AR: variants seen among roughly 807,000 people sequenced by gnomAD.
AR encodes dihydrotestosterone receptor.
Under a neutral mutation model 53.9 loss-of-function variants are expected in AR, and 8 were observed. The observed-to-expected ratio is 0.15, with a 90% CI of 0.09 to 0.27. AR has a LOEUF of 0.27. Among genes scored for constraint, AR ranks in the 10% least tolerant of loss-of-function variants. AR has a pLI of 1.00. For missense variants in AR, 639 were observed against 742.5 expected, an observed-to-expected ratio of 0.86 and a Z score of 1.62; for synonymous variants, 359 against 316.4, an observed-to-expected ratio of 1.13 and a Z score of -1.43.
intron 1 of AR, among the ~76,000 whole-genome samples, chrX:67,608,087 C>T (rs1923713077): frequency 8.9e-6 from 1 of 112,210 alleles, no homozygotes; most frequent in Non-Finnish European, 1.9e-5. Context: ...CAAAAATCAA[C>T]ATGAAACCAG....
intron 2 of AR, among the ~76,000 whole-genome samples, chrX:67,666,653 T>G (rs1173935209): frequency 9.0e-6 from 1 of 111,626 alleles, no homozygotes; most frequent in African/African-American, 3.3e-5. Flanking sequence ...ACATAATGGT[T>G]TTACTGACTT....
intron 1 of AR, among the ~76,000 whole-genome samples, chrX:67,630,961 A>G (rs1445679525): frequency 1.8e-4 from 20 of 111,150 alleles, no homozygotes; most frequent in Non-Finnish European, 3.4e-4. Context: ...AATGTTGAAT[A>G]TTGGCCCCTA....
At chrX:67,585,573 C>A (rs1342481322) in intron 1 of AR, among the ~76,000 whole-genome samples, 2 of 112,440 alleles carry the variant, frequency 1.8e-5, no homozygotes, top group Admixed American at 9.4e-5. Flanking sequence ...TCTGAGGTAA[C>A]TTAGCAATAA....
Position 67,725,086 on chromosome X carries a change from A to G in AR, c.*1245A>G, listed in dbSNP as rs922130183. Reference sequence around the variant, plus strand: ...AACTCCGTGAAGCCACAAGCACCTTATGTCCTCCCTTCAGTGTTTTGTGGG... The same window carrying G: ...AACTCCGTGAAGCCACAAGCACCTTGTGTCCTCCCTTCAGTGTTTTGTGGG... On this transcript the variant is annotated 3_prime_UTR_variant, in exon 8 of 8. Coordinates refer to ENST00000374690, the MANE Select transcript of AR (RefSeq NM_000044.6). 5.7e-6 allele frequency: 1 copy of G among 174,222 alleles called. No homozygotes were observed. Among genetic ancestry groups the G allele is most frequent in the Non-Finnish European group, 1.1e-5 (1 of 91,489 alleles). The allele number at this position is 174,222 out of a possible 1,213,427, so 14.4% of individuals were successfully genotyped here. A position where few individuals can be genotyped will look rare whatever the true frequency, so the allele number is the denominator to read the frequency against.
chrX:67,673,037 G>T (rs1339151758), intron 2 of AR, among the ~76,000 whole-genome samples: 2 of 105,117 alleles, frequency 1.9e-5, no homozygotes, highest in East Asian at 2.9e-4. Flanking sequence ...CTATTCTAGG[G>T]TAAAAGTTTT....
At chrX:67,641,674 T>C (rs1925773042) in intron 1 of AR, among the ~76,000 whole-genome samples, 1 of 111,104 alleles carries the variant, frequency 9.0e-6, no homozygotes, top group African/African-American at 3.3e-5. Context: ...AGATAGGCCA[T>C]GATATCAAGC....
chrX:67,622,315 C>A (rs1440308776), intron 1 of AR, among the ~76,000 whole-genome samples: 2 of 106,656 alleles, frequency 1.9e-5, no homozygotes, highest in African/African-American at 7.5e-5. Context: ...GCTAGAAAGC[C>A]ATTGGAAAAA....
rs2076141184 is a variant in AR, at chrX:67,722,750, C to T, written c.2450-77C>T. 3 of 1,147,015 alleles carry T rather than the reference C, an allele frequency of 2.6e-6. No homozygotes were observed. In the African/African-American group the frequency reaches 5.4e-5, roughly 21 times the overall value. The allele number at this position is 1,147,015 out of a possible 1,213,427, so 94.5% of individuals were successfully genotyped here. ...TGGGGGTGGGGGTCAAGTCTGTGGT[C>T]AGAAAACTTGGTGCTTTGTCTAATG... On this transcript the variant is annotated intron_variant, in intron 6 of 7. Transcript: ENST00000374690.
rs2147317491 is a variant in AR at position 67,545,773 on chromosome X, G to T, written c.627G>T (p.Gly209=). 9.1e-6 allele frequency: 11 copies of T among 1,211,964 alleles called. No homozygotes were observed. The highest frequency in any genetic ancestry group is 1.2e-5 in the Non-Finnish European group (11 of 895,442). Reference sequence around the variant, plus strand: ...CAGTATCCGAAGGCAGCAGCAGCGGGAGAGCGAGGGAGGCCTCGGGGGCTC... The same window carrying T: ...CAGTATCCGAAGGCAGCAGCAGCGGTAGAGCGAGGGAGGCCTCGGGGGCTC... The part of the protein sequence containing the change: ...QEAVSEGSSS[G]RAREASGAPT... Residue 209 remains glycine, a synonymous_variant, in exon 1 of 8, where the codon GGG becomes GGT. Coordinates refer to ENST00000374690, the MANE Select transcript of AR (RefSeq NM_000044.6).
chrX:67,691,052 T>C (rs769682232), intron 3 of AR, among the ~76,000 whole-genome samples: 4 of 112,368 alleles, frequency 3.6e-5, no homozygotes, highest in African/African-American at 6.5e-5. Flanking sequence ...ATTGTGTTTA[T>C]TTGCATGTTT....
chrX:67,659,723 G>T (rs1271067055), intron 2 of AR, among the ~76,000 whole-genome samples: 1 of 111,542 alleles, frequency 9.0e-6, no homozygotes, highest in East Asian at 2.8e-4. Flanking sequence ...AATCCTTAGG[G>T]TATATACCCA....
intron 1 of AR, among the ~76,000 whole-genome samples, chrX:67,585,506 A>G (rs752938412): frequency 8.9e-5 from 10 of 111,743 alleles, no homozygotes; most frequent in South Asian, 3.8e-4. Flanking sequence ...TTATAACTCA[A>G]ATGACTAGTC....
rs1186754425 is a variant in AR, at chrX:67,551,380, T to A, written c.1616+4618T>A. Among the ~76,000 whole-genome samples, 17 of 111,639 alleles carry A rather than the reference T, an allele frequency of 1.5e-4. No homozygotes were observed. The Admixed American group carries it at 1.6e-3, about 11-fold the overall frequency. On this transcript the variant is annotated intron_variant, in intron 1 of 7. Transcript: ENST00000374690. ...TAAAGAAATTATTCTATCTCCGACT[T>A]CCCCTATCAGCATTCCATCAAGTTC... is the stretch of plus-strand genomic sequence containing the variant.
In AR at chrX:67,614,690, T is replaced by C. The variant is rs759873067; in HGVS notation, c.1617-28566T>C. On this transcript the variant is annotated intron_variant, in intron 1 of 7. Transcript: ENST00000374690. ...TGAGGCATGCAAAGAATGAGGAAAG[T>C]ATGACTCATACATGGTATTATATGA... is the stretch of plus-strand genomic sequence containing the variant. Among the ~76,000 whole-genome samples, 6 of 111,399 alleles carry C rather than the reference T, an allele frequency of 5.4e-5. No homozygotes were observed. The South Asian group carries it at 2.2e-3, about 42-fold the overall frequency.
chrX:67,720,166 T>C (rs1421638204), intron 5 of AR, among the ~76,000 whole-genome samples: 1 of 111,693 alleles, frequency 9.0e-6, no homozygotes, highest in East Asian at 2.8e-4. Context: ...ATTTCTCCTC[T>C]TATTTTCTCT....
chrX:67,665,800 A>C (rs1021115415), intron 2 of AR, among the ~76,000 whole-genome samples: 1 of 112,290 alleles, frequency 8.9e-6, no homozygotes, highest in African/African-American at 3.2e-5. Flanking sequence ...TCACTGTTCT[A>C]GGAAATATAA....
intron 1 of AR, among the ~76,000 whole-genome samples, chrX:67,587,047 T>C (rs1440906276): frequency 8.9e-6 from 1 of 112,238 alleles, no homozygotes. Context: ...AGGATAGCCC[T>C]ATAAAATATG....
intron 3 of AR, among the ~76,000 whole-genome samples, chrX:67,705,814 C>T (rs1449835056): frequency 4.0e-4 from 45 of 111,256 alleles, no homozygotes; most frequent in African/African-American, 1.2e-3. Flanking sequence ...TTTTGAGATA[C>T]GTCCCATCAA....
At chrX:67,588,802 T>C (rs1383390258) in intron 1 of AR, among the ~76,000 whole-genome samples, 1 of 112,212 alleles carries the variant, frequency 8.9e-6, no homozygotes, top group Non-Finnish European at 1.9e-5. Context: ...AGAAGTCAGC[T>C]GTGGGGTGGA....
Sources: allele counts gnomAD v4.1 joint callset (sites outside exome capture counted in the v4.1 genomes callset), GRCh38; gene constraint gnomAD v4.1.1; transcripts MANE v1.5; gene names NCBI Gene and HGNC (gene_info 2026-07-23, HGNC 2026-07-21).